The following PRKCE variants were observed in gnomAD, a reference collection of about 807,000 sequenced individuals.
The protein encoded by PRKCE is protein kinase C epsilon.
A neutral mutation model predicts 85.4 loss-of-function variants in PRKCE; 16 were observed. The ratio of observed to expected loss-of-function variants is 0.19; its 90% CI spans 0.13 to 0.28. The LOEUF (loss-of-function observed/expected upper bound fraction) is 0.28, where lower values mean the gene tolerates loss of function less well. Ranked by LOEUF, PRKCE falls within the 10% of genes least tolerant of loss-of-function variation. The pLI is 1.00. For synonymous variants in PRKCE, 388 were observed against 371.5 expected, an observed-to-expected ratio of 1.04 and a Z score of -0.51; for missense variants, 573 against 975.2, an observed-to-expected ratio of 0.59 and a Z score of 5.49.
Position 45,652,589 on chromosome 2 carries a change from G to A in PRKCE, c.348+141G>A. Reference sequence around the variant, plus strand: ...TGTAAGTCTCAGTTTCCTTGGGGAGGTACACTTCACTTCATAGTTGGGGAG... The same window carrying A: ...TGTAAGTCTCAGTTTCCTTGGGGAGATACACTTCACTTCATAGTTGGGGAG... On this transcript the variant is annotated intron_variant, in intron 1 of 14. Transcript: ENST00000306156. The surrounding 1 kb of genome is among the most constrained non-coding windows in gnomAD (Gnocchi z 7.7). The A allele has an allele frequency of 3.7e-6, 3 of 820,744 alleles. No homozygotes were observed. Among genetic ancestry groups the A allele is most frequent in the Non-Finnish European group, 5.6e-6 (3 of 538,176 alleles). The allele number at this position is 820,744 out of a possible 1,614,324, so 50.8% of individuals were successfully genotyped here.
chr2:45,784,043 T>C (rs1686402559), intron 1 of PRKCE, among the ~76,000 whole-genome samples: 1 of 152,264 alleles, frequency 6.6e-6, no homozygotes, highest in Non-Finnish European at 1.5e-5. Flanking sequence ...CTGTATCCAA[T>C]ATCTTCTCTG....
chr2:45,949,422 T>C (rs1418903853), intron 2 of PRKCE, among the ~76,000 whole-genome samples: 2 of 92,168 alleles, frequency 2.2e-5, no homozygotes, highest in Non-Finnish European at 4.5e-5. Flanking sequence ...TTTTTTTGAT[T>C]GTTGTTTTTT....
chr2:45,857,936 C>G (rs763290559), intron 2 of PRKCE, among the ~76,000 whole-genome samples: 6 of 152,198 alleles, frequency 3.9e-5, no homozygotes, highest in Non-Finnish European at 8.8e-5. Flanking sequence ...AATGGCAAAG[C>G]TGTGGAGGTG....
intron 2 of PRKCE, among the ~76,000 whole-genome samples, chr2:45,863,454 C>T (rs769287537): frequency 2.0e-5 from 3 of 152,088 alleles, no homozygotes; most frequent in Non-Finnish European, 4.4e-5. Context: ...CCCCAAACAG[C>T]TCTACCTGCA....
chr2:45,950,707 T>C (rs1275730773), intron 2 of PRKCE, among the ~76,000 whole-genome samples: 2 of 152,018 alleles, frequency 1.3e-5, no homozygotes, highest in Non-Finnish European at 2.9e-5. Context: ...AAGCGAGAGA[T>C]GGATATCAAG....
intron 1 of PRKCE, among the ~76,000 whole-genome samples, chr2:45,794,362 G>C (rs1396923134): frequency 1.3e-5 from 2 of 152,162 alleles, no homozygotes; most frequent in African/African-American, 2.4e-5. Context: ...TATTCAGGGA[G>C]GGATTTTTGT....
At chr2:46,132,733 G>A (rs773716273) in intron 11 of PRKCE, among the ~76,000 whole-genome samples, 4 of 152,168 alleles carry the variant, frequency 2.6e-5, no homozygotes, top group South Asian at 2.1e-4. Context: ...TTTCTTAGCC[G>A]TTGGAAAGCA....
intron 1 of PRKCE, among the ~76,000 whole-genome samples, chr2:45,674,218 C>T (rs1310244651): frequency 2.0e-5 from 3 of 152,188 alleles, no homozygotes; most frequent in Admixed American, 1.3e-4. Flanking sequence ...CCCCTCCAAG[C>T]CTGGGGCCCA....
chr2:46,100,657 G>C (rs1169701250), intron 11 of PRKCE, among the ~76,000 whole-genome samples: 1 of 152,178 alleles, frequency 6.6e-6, no homozygotes, highest in South Asian at 2.1e-4. Context: ...TTGTACTTTT[G>C]TCTGGGGAAG....
At chr2:45,661,523 G>GTT (rs367628974) in intron 1 of PRKCE, among the ~76,000 whole-genome samples, 1,075 of 96,508 alleles carry the variant, frequency 0.011, 121 homozygotes, top group South Asian at 0.017. Context: ...TTTGTTTTTT[G>GTT]TTTTTTGTTT....
chr2:45,790,346 G>C (rs372796311), intron 1 of PRKCE, among the ~76,000 whole-genome samples: 1 of 152,216 alleles, frequency 6.6e-6, no homozygotes, highest in Non-Finnish European at 1.5e-5. Context: ...GTGGCAGCAC[G>C]TGGGAAAACT....
In PRKCE at chr2:46,151,272, C is replaced by T. The variant is rs575759632; in HGVS notation, c.1920+43C>T. ...ACCCATGGCTGTGCTCTCCTGGGCT[C>T]CTCCCCCTACACACACACACACACA... On this transcript the variant is annotated intron_variant, in intron 13 of 14. Transcript: ENST00000306156. 429 of 1,399,272 alleles carry T rather than the reference C, an allele frequency of 3.1e-4. 1 individual carries two copies. The highest frequency in any genetic ancestry group is 4.1e-4 in the Non-Finnish European group (415 of 1,020,002). The allele number at this position is 1,399,272 out of a possible 1,614,324, so 86.7% of individuals were successfully genotyped here.
chr2:45,840,133 T>C (rs920476836), intron 1 of PRKCE, among the ~76,000 whole-genome samples: 4 of 152,196 alleles, frequency 2.6e-5, no homozygotes, highest in African/African-American at 9.6e-5. Flanking sequence ...ACAGATAGCA[T>C]TGTACTTTGC....
chr2:45,859,291 T>G (rs1159197504), intron 2 of PRKCE, among the ~76,000 whole-genome samples: 1 of 152,106 alleles, frequency 6.6e-6, no homozygotes, highest in Non-Finnish European at 1.5e-5. Context: ...TAGTATATTA[T>G]GGGGGTGTCC....
intron 12 of PRKCE, among the ~76,000 whole-genome samples, chr2:46,148,898 C>T (rs963152718): frequency 1.3e-5 from 2 of 152,138 alleles, no homozygotes; most frequent in Non-Finnish European, 2.9e-5. Flanking sequence ...ATCACTGGCT[C>T]CTCAGGACAG....
At chr2:45,751,741 T>C (rs1036685367) in intron 1 of PRKCE, among the ~76,000 whole-genome samples, 2 of 148,380 alleles carry the variant, frequency 1.3e-5, no homozygotes, top group African/African-American at 2.5e-5. Context: ...GTACAGAAAA[T>C]AAAATGAAAA....
intron 1 of PRKCE, among the ~76,000 whole-genome samples, chr2:45,762,569 C>G (rs1684592935): frequency 6.6e-6 from 1 of 152,198 alleles, no homozygotes; most frequent in African/African-American, 2.4e-5. Context: ...GTGCCTGGCT[C>G]TATCTGGAAG....
At chr2:46,092,541 T>C (rs3768759) in intron 11 of PRKCE, among the ~76,000 whole-genome samples, 116,452 of 152,098 alleles carry the variant, frequency 0.77, 45,185 homozygotes, top group East Asian at 0.89. Flanking sequence ...ATGATGTTTA[T>C]AAAAAGTCAG....
At chr2:46,144,912 C>T (rs1031150168) in intron 11 of PRKCE, among the ~76,000 whole-genome samples, 181 bp from the exon 12 acceptor site, 2 of 152,154 alleles carry the variant, frequency 1.3e-5, no homozygotes, top group Admixed American at 1.3e-4. Context: ...AGTGGAGGTG[C>T]CGTTAGGGGC....
Sources: gnomAD v4.1 joint callset for allele counts (sites outside exome capture counted in the v4.1 genomes callset) on GRCh38, gnomAD v4.1.1 for gene constraint, Gnocchi (gnomAD v3.1) non-coding constraint, MANE v1.5 for transcripts, NCBI Gene and HGNC (gene_info 2026-07-23, HGNC 2026-07-21) for gene names.